Variants in DPY19L2 observed in about 807,000 individuals in gnomAD.
The protein encoded by DPY19L2 is dpy-19 like 2.
DPY19L2 carries 34 observed loss-of-function variants against 97.9 expected under a neutral mutation model. The observed-to-expected ratio is 0.35, with a 90% CI of 0.26 to 0.46. DPY19L2 has a LOEUF of 0.46. Ranked by LOEUF, DPY19L2 falls within the 20% of genes least tolerant of loss-of-function variation. DPY19L2 has a pLI of 1.00. For missense variants in DPY19L2, 623 were observed against 911.4 expected (o/e 0.68, Z 4.07); for synonymous variants, 230 against 307.9 (o/e 0.75, Z 2.65).
At position 63,593,475 on chromosome 12, in the gene DPY19L2, C is replaced by T. The variant is rs375332722; in HGVS notation, c.1580+612G>A. 5.3e-5 allele frequency among the ~76,000 whole-genome samples: 8 copies of T among 152,076 alleles called. No individual in the cohort carries two copies. The East Asian group carries it at 7.7e-4, about 15-fold the overall frequency. ...CTATGCAGCCATAAAAAATGATGAG[C>T]TCATGTCCTTTGTAGGGACATGGAT... is the stretch of plus-strand genomic sequence containing the variant. On this transcript the variant is annotated intron_variant, in intron 16 of 21. Transcript: ENST00000324472.
intron 19 of DPY19L2, among the ~76,000 whole-genome samples, chr12:63,574,833 G>C (rs1879523000): frequency 6.6e-6 from 1 of 152,052 alleles, no homozygotes; most frequent in South Asian, 2.1e-4. Flanking sequence ...GAGCAAAAGA[G>C]AGAGACAGAT....
intron 4 of DPY19L2, among the ~76,000 whole-genome samples, chr12:63,658,557 A>C (rs1272856820): frequency 6.6e-6 from 1 of 152,060 alleles, no homozygotes; most frequent in African/African-American, 2.4e-5. Context: ...TTTTGATTTT[A>C]TTTCTTTTCT....
chr12:63,608,255 G>T (rs1290577245), intron 12 of DPY19L2, among the ~76,000 whole-genome samples: 10 of 152,096 alleles, frequency 6.6e-5, no homozygotes, highest in Non-Finnish European at 2.9e-5. Flanking sequence ...GAGAAAGCTG[G>T]CAAGAAACTA....
rs1295246698 is a variant in DPY19L2 at position 63,559,839 on chromosome 12, G to C, written c.*673C>G. On this transcript the variant is annotated 3_prime_UTR_variant, in exon 22 of 22. Coordinates refer to ENST00000324472, the MANE Select transcript of DPY19L2 (RefSeq NM_173812.5). Reference sequence around the variant, plus strand: ...TAAAGAGAGATGAATAACCTCTTGAGCTTAGATGGAGAACTAACCAGTGGC... The same window carrying C: ...TAAAGAGAGATGAATAACCTCTTGACCTTAGATGGAGAACTAACCAGTGGC... 6.6e-6 allele frequency: 1 copy of C among 152,064 alleles called. No homozygotes were observed. Among genetic ancestry groups the C allele is most frequent in the Non-Finnish European group, 1.5e-5 (1 of 68,008 alleles). The allele number at this position is 152,064 out of a possible 1,614,324, so 9.4% of individuals were successfully genotyped here.
chr12:63,599,178 CAA>C (rs34866870), intron 13 of DPY19L2, among the ~76,000 whole-genome samples: 14 of 124,984 alleles, frequency 1.1e-4, no homozygotes, highest in Non-Finnish European at 9.0e-5. Flanking sequence ...TTTCAAAAAA[CAA>C]AAAAAAAAAA....
chr12:63,610,893 T>C (rs1229294533), intron 11 of DPY19L2, among the ~76,000 whole-genome samples: 1 of 36,242 alleles, frequency 2.8e-5, no homozygotes, highest in Non-Finnish European at 6.4e-5. Context: ...CACACACAAA[T>C]ATTTCTTTTA....
At chr12:63,570,160 G>A (rs1440516582) in intron 20 of DPY19L2, among the ~76,000 whole-genome samples, 1 of 152,042 alleles carries the variant, frequency 6.6e-6, no homozygotes, top group Non-Finnish European at 1.5e-5. Context: ...ACAACTACTA[G>A]AATAACCAAA....
intron 11 of DPY19L2, among the ~76,000 whole-genome samples, chr12:63,610,259 A>C (rs1886724220): frequency 6.6e-6 from 1 of 152,042 alleles, no homozygotes; most frequent in Non-Finnish European, 1.5e-5. Flanking sequence ...GTGAAAAGAA[A>C]GGTAGAGTGA....
Position 63,560,236 on chromosome 12 carries a change from T to C in DPY19L2, c.*276A>G, listed in dbSNP as rs1196509153. On this transcript the variant is annotated 3_prime_UTR_variant, in exon 22 of 22. Coordinates refer to ENST00000324472, the MANE Select transcript of DPY19L2 (RefSeq NM_173812.5). ...GATTTATTAAAATTCATTGTTCTTT[T>C]ATATACATTTCTCTTTAAAATTCTG... is the stretch of plus-strand genomic sequence containing the variant. 2 of 261,532 alleles carry C rather than the reference T, an allele frequency of 7.6e-6. No homozygotes were observed. Among genetic ancestry groups the C allele is most frequent in the African/African-American group, 4.5e-5 (2 of 44,804 alleles). The allele number at this position is 261,532 out of a possible 1,614,324, so 16.2% of individuals were successfully genotyped here.
At chr12:63,632,135 T>C (rs1036052087) in intron 6 of DPY19L2, among the ~76,000 whole-genome samples, 3 of 152,136 alleles carry the variant, frequency 2.0e-5, no homozygotes, top group African/African-American at 4.8e-5. Context: ...CCTGGAAGCA[T>C]TCCCTTTGAA....
intron 21 of DPY19L2, among the ~76,000 whole-genome samples, chr12:63,563,017 G>A (rs1225571367): frequency 3.3e-5 from 5 of 152,096 alleles, no homozygotes; most frequent in South Asian, 2.1e-4. Context: ...GGCTGATCTC[G>A]AACTCCTGAC....
At chr12:63,637,089 C>T (rs2138036287) in intron 6 of DPY19L2, among the ~76,000 whole-genome samples, 1 of 152,292 alleles carries the variant, frequency 6.6e-6, no homozygotes, top group African/African-American at 2.4e-5. Context: ...AACTGTCTCT[C>T]AGATCATAGG....
At chr12:63,641,568 T>A (rs192038948) in intron 6 of DPY19L2, among the ~76,000 whole-genome samples, 2,421 of 152,172 alleles carry the variant, frequency 0.016, 66 homozygotes, top group African/African-American at 0.054. Context: ...GTATTTTTTT[T>A]AATTTTGTAC....
chr12:63,563,134 T>C (rs1876961325), intron 21 of DPY19L2, among the ~76,000 whole-genome samples: 1 of 152,066 alleles, frequency 6.6e-6, no homozygotes, highest in African/African-American at 2.4e-5. Flanking sequence ...TTCTTATTAT[T>C]GGGTTTTGAG....
intron 4 of DPY19L2, among the ~76,000 whole-genome samples, chr12:63,655,663 T>C (rs1240796198): frequency 1.3e-5 from 2 of 151,666 alleles, no homozygotes; most frequent in African/African-American, 2.4e-5. Context: ...GTACCAGTAA[T>C]GTGAAAAGGA....
intron 4 of DPY19L2, among the ~76,000 whole-genome samples, chr12:63,650,268 C>A (rs2201891): frequency 6.6e-6 from 1 of 151,726 alleles, no homozygotes; most frequent in Non-Finnish European, 1.5e-5. Context: ...ACAACAAAAG[C>A]GTGTTTACTC....
chr12:63,607,821 T>C (rs1886313754), intron 12 of DPY19L2, among the ~76,000 whole-genome samples: 1 of 151,986 alleles, frequency 6.6e-6, no homozygotes. Flanking sequence ...TTTGTAGAGA[T>C]GGGGTTTTGC....
Position 63,560,216 on chromosome 12 carries a change from A to C in DPY19L2, c.*296T>G, listed in dbSNP as rs896875571. Reference sequence around the variant, plus strand: ...AAAAGGACTTACATACCCCTGATTTATTAAAATTCATTGTTCTTTTATATA... The same window carrying C: ...AAAAGGACTTACATACCCCTGATTTCTTAAAATTCATTGTTCTTTTATATA... On this transcript the variant is annotated 3_prime_UTR_variant, in exon 22 of 22. Transcript: ENST00000324472. 2.3e-5 allele frequency: 5 copies of C among 214,288 alleles called. No homozygotes were observed. The highest frequency in any genetic ancestry group is 7.0e-5 in the African/African-American group (3 of 43,130). 13.3% of individuals were successfully genotyped at this position (214,288 alleles called of 1,614,324 possible).
chr12:63,636,224 T>C (rs1220679807), intron 6 of DPY19L2, among the ~76,000 whole-genome samples: 1 of 151,992 alleles, frequency 6.6e-6, no homozygotes, highest in African/African-American at 2.4e-5. Flanking sequence ...GACAAACAAA[T>C]GCTGAGAGAT....
Sources: gnomAD v4.1 joint callset for allele counts (sites outside exome capture counted in the v4.1 genomes callset) on GRCh38, gnomAD v4.1.1 for gene constraint, MANE v1.5 for transcripts, NCBI Gene and HGNC (gene_info 2026-07-23, HGNC 2026-07-21) for gene names.